The following CREBBP variants were observed in gnomAD, a reference collection of about 807,000 sequenced individuals.
CREBBP encodes the protein CREB-binding protein.
A neutral mutation model predicts 265.0 loss-of-function variants in CREBBP; 19 were observed. The observed-to-expected ratio is 0.07, with a 90% confidence interval of 0.05 to 0.11. CREBBP has a LOEUF of 0.11. Among genes scored for constraint, CREBBP ranks in the 10% least tolerant of loss-of-function variants. The pLI is 1.00. For missense variants in CREBBP, 2,525 were observed against 3,219.0 expected (o/e 0.78, Z 5.22); for synonymous variants, 1,457 against 1,223.7 (o/e 1.19, Z -3.98).
intron 19 of CREBBP, among the ~76,000 whole-genome samples, chr16:3,754,103 C>A (rs1217355558): frequency 1.3e-5 from 2 of 150,076 alleles, no homozygotes; most frequent in Admixed American, 1.3e-4. Flanking sequence ...CCTGGAAAAT[C>A]CCAGGATCAG....
chr16:3,797,222 G>A (rs183189926), intron 3 of CREBBP, among the ~76,000 whole-genome samples: 7 of 152,218 alleles, frequency 4.6e-5, no homozygotes, highest in East Asian at 1.9e-4. Flanking sequence ...AGTAATCTAC[G>A]TTTTGTGTGA....
At chr16:3,786,761 T>C (rs1268257569) in intron 5 of CREBBP, among the ~76,000 whole-genome samples, 1 of 152,138 alleles carries the variant, frequency 6.6e-6, no homozygotes, top group Non-Finnish European at 1.5e-5. Flanking sequence ...ACCAAGACAC[T>C]TAGATTTCTA....
chr16:3,835,475 C>T (rs1484075268), intron 2 of CREBBP, among the ~76,000 whole-genome samples: 1 of 151,952 alleles, frequency 6.6e-6, no homozygotes, highest in African/African-American at 2.4e-5. Context: ...ACAGACACCT[C>T]CTTGTACAGT....
At chr16:3,794,518 A>G (rs2053570566) in intron 3 of CREBBP, among the ~76,000 whole-genome samples, 1 of 152,182 alleles carries the variant, frequency 6.6e-6, no homozygotes, top group Non-Finnish European at 1.5e-5. Flanking sequence ...CTAAAAGAAT[A>G]ATGACAGTTA....
At position 3,806,389 on chromosome 16, in the gene CREBBP, G is replaced by A. The variant is rs183439515; in HGVS notation, c.975+4214C>T. 1.8e-3 allele frequency among the ~76,000 whole-genome samples: 276 copies of A among 151,766 alleles called. 1 individual carries two copies. The highest frequency in any genetic ancestry group is 0.014 in the Middle Eastern group (4 of 294). ...ATCACTCATGAGCAATTTTAAATAA[G>A]CAGCACTACTGATGAATCTCCTGCA... is the stretch of plus-strand genomic sequence containing the variant. On this transcript the variant is annotated intron_variant, in intron 3 of 30. Coordinates refer to ENST00000262367, the MANE Select transcript of CREBBP (RefSeq NM_004380.3).
intron 19 of CREBBP, among the ~76,000 whole-genome samples, chr16:3,754,078 A>T (rs900611848): frequency 1.3e-5 from 2 of 152,166 alleles, no homozygotes; most frequent in Non-Finnish European, 2.9e-5. Context: ...CTCTTCCTGT[A>T]TGACTGACTC....
intron 2 of CREBBP, among the ~76,000 whole-genome samples, chr16:3,849,433 GTGTGTGT>G (rs2054755009): frequency 6.7e-3 from 96 of 14,326 alleles, no homozygotes; most frequent in East Asian, 0.02. Flanking sequence ...GTGTGTGTGT[GTGTGTGT>G]GTGTGTGTGT....
intron 28 of CREBBP, 33 bp downstream of exon 28, chr16:3,736,003 C>T (rs747055756): frequency 2.0e-5 from 32 of 1,614,008 alleles, no homozygotes; most frequent in South Asian, 1.9e-4. Context: ...CAGCGGGACA[C>T]GTGGGCAATG....
At chr16:3,835,084 G>A (rs1243290409) in intron 2 of CREBBP, among the ~76,000 whole-genome samples, 18 of 152,250 alleles carry the variant, frequency 1.2e-4, no homozygotes, top group Admixed American at 5.2e-4. Flanking sequence ...GCATGAACCC[G>A]GGAGGTGGAG....
At chr16:3,751,911 G>A (rs2052483254) in intron 19 of CREBBP, 105 bp from the exon 20 acceptor site, 3 of 1,071,816 alleles carry the variant, frequency 2.8e-6, no homozygotes, top group African/African-American at 1.6e-5. Context: ...CACGACGAAG[G>A]GGGGGCGTTG....
At chr16:3,822,973 C>G (rs961802178) in intron 2 of CREBBP, among the ~76,000 whole-genome samples, 8 of 152,124 alleles carry the variant, frequency 5.3e-5, no homozygotes, top group African/African-American at 1.9e-4. Flanking sequence ...TAAGGAACCG[C>G]TGGTACCACA....
chr16:3,823,957 AACACACACACAC>A (rs57902688), intron 2 of CREBBP, among the ~76,000 whole-genome samples: 13 of 148,020 alleles, frequency 8.8e-5, no homozygotes, highest in South Asian at 4.4e-4. Context: ...AGGCTGTGGC[AACACACACACAC>A]ACACACACAC....
intron 16 of CREBBP, among the ~76,000 whole-genome samples, chr16:3,762,827 T>C (rs903362064): frequency 9.3e-5 from 14 of 150,258 alleles, no homozygotes; most frequent in Non-Finnish European, 1.5e-4. Flanking sequence ...CAGGCTGGAG[T>C]GCAGTGGCGC....
intron 2 of CREBBP, among the ~76,000 whole-genome samples, chr16:3,847,611 G>A (rs1205605135): frequency 6.6e-6 from 1 of 152,166 alleles, no homozygotes; most frequent in East Asian, 1.9e-4. Flanking sequence ...TGACATCCAC[G>A]AGTTGCTGTT....
At chr16:3,776,030 C>T (rs1452741381) in intron 11 of CREBBP, among the ~76,000 whole-genome samples, 1 of 152,140 alleles carries the variant, frequency 6.6e-6, no homozygotes, top group African/African-American at 2.4e-5. Context: ...AATTCTCCTG[C>T]CTCAGCCTCC....
chr16:3,761,251 G>A (rs1264495868), intron 16 of CREBBP, among the ~76,000 whole-genome samples: 1 of 152,208 alleles, frequency 6.6e-6, no homozygotes, highest in Non-Finnish European at 1.5e-5. Context: ...GAGCCACCAT[G>A]CCCGGCTGAA....
At chr16:3,812,565 G>A (rs1350251380) in intron 2 of CREBBP, among the ~76,000 whole-genome samples, 1 of 151,334 alleles carries the variant, frequency 6.6e-6, no homozygotes, top group Non-Finnish European at 1.5e-5. Flanking sequence ...TGGGAAAGAG[G>A]AACCCTCAGC....
At chr16:3,745,244 G>C (rs1275721987) in intron 22 of CREBBP, 33 bp downstream of exon 22, 1 of 1,598,818 alleles carries the variant, frequency 6.3e-7, no homozygotes, top group Non-Finnish European at 8.6e-7. Flanking sequence ...GCTCTGTGCA[G>C]AACTGCCCTC....
chr16:3,743,934 G>A (rs2052277514), intron 23 of CREBBP, among the ~76,000 whole-genome samples: 1 of 152,076 alleles, frequency 6.6e-6, no homozygotes, highest in African/African-American at 2.4e-5. Context: ...AAATTAGCTG[G>A]GCAAGGTGGC....
Sources: allele counts gnomAD v4.1 joint callset (sites outside exome capture counted in the v4.1 genomes callset), GRCh38; gene constraint gnomAD v4.1.1; transcripts MANE v1.5; gene names NCBI Gene and HGNC (gene_info 2026-07-23, HGNC 2026-07-21).